The following ECM2 variants were observed in gnomAD, a reference collection of about 807,000 sequenced individuals.
ECM2 encodes extracellular matrix protein 2.
A neutral mutation model predicts 67.5 loss-of-function variants in ECM2; 57 were observed. That is an observed-to-expected ratio of 0.84 (90% CI 0.68 to 1.05). The LOEUF (loss-of-function observed/expected upper bound fraction) is 1.05, where lower values mean the gene tolerates loss of function less well. Among genes scored for constraint, ECM2 ranks in the 50% least tolerant of loss-of-function variants. The probability of loss-of-function intolerance (pLI) is 0.00; values close to 1 mark genes in which losing one functional copy is unlikely to be tolerated. For synonymous variants in ECM2, 258 were observed against 294.5 expected (o/e 0.88, Z 1.27); for missense variants, 741 against 822.8 (o/e 0.90, Z 1.22).
At chr9:92,500,533 A>C (rs912614926) in intron 9 of ECM2, among the ~76,000 whole-genome samples, 194 bp downstream of exon 9, 1 of 152,240 alleles carries the variant, frequency 6.6e-6, no homozygotes, top group Non-Finnish European at 1.5e-5. Flanking sequence ...AAGTAGGAAA[A>C]GCTTATAATG....
At chr9:92,542,921 TCTTTTACATGTGGATATCCAGTTTTC>T in the ECM2 span, among the ~76,000 whole-genome samples, 1 of 152,230 alleles carries the variant, frequency 6.6e-6, no homozygotes, top group East Asian at 1.9e-4. Context: ...CTAACTTCAT[TCTTTTACATGTGGATATCCAGTTTTC>T]TCAGCACCAT....
At chr9:92,504,069 G>A (rs1004590032) in intron 7 of ECM2, among the ~76,000 whole-genome samples, 1 of 152,218 alleles carries the variant, frequency 6.6e-6, no homozygotes, top group African/African-American at 2.4e-5. Flanking sequence ...CAGTGGGGCA[G>A]ATTGCTCTTT....
At chr9:92,520,888 C>T (rs577002229) in intron 2 of ECM2, among the ~76,000 whole-genome samples, 2 of 152,192 alleles carry the variant, frequency 1.3e-5, no homozygotes, top group Non-Finnish European at 2.9e-5. Context: ...ATTCCATTTA[C>T]ATGAAATTTC....
chr9:92,520,153 G>T (rs1280921402), intron 2 of ECM2, among the ~76,000 whole-genome samples: 1 of 151,210 alleles, frequency 6.6e-6, no homozygotes, highest in Admixed American at 6.6e-5. Context: ...GTGTGGTGGT[G>T]CATTCTTGTA....
rs750191164 is a variant in ECM2 at position 92,517,677 on chromosome 9, A to C, written c.481+10T>G. 15 of 1,613,958 alleles carry C rather than the reference A, an allele frequency of 9.3e-6. No individual in the cohort carries two copies. The highest frequency in any genetic ancestry group is 1.3e-5 in the Non-Finnish European group (15 of 1,179,978). ...ACACACTGATATTTTGCTTAGCTAA[A>C]TCTCTGTACCAGTAGCGGAGCAGAC... On this transcript the variant is annotated intron_variant, in intron 3 of 9. Coordinates refer to ENST00000344604, the MANE Select transcript of ECM2 (RefSeq NM_001393.4).
chr9:92,517,660 A>G, intron 3 of ECM2, 27 bp downstream of exon 3: 2 of 1,613,494 alleles, frequency 1.2e-6, no homozygotes, highest in Non-Finnish European at 1.7e-6. Context: ...TCACACACTG[A>G]TATTTTGCTT....
chr9:92,529,534 T>C (rs1848620393), intron 1 of ECM2, among the ~76,000 whole-genome samples: 1 of 152,120 alleles, frequency 6.6e-6, no homozygotes, highest in South Asian at 2.1e-4. Context: ...TATTCATAAT[T>C]GCCAAAACTT....
In ECM2 at chr9:92,514,688, T is replaced by C. The variant is rs771907543; in HGVS notation, c.997A>G (p.Met333Val). The C allele has an allele frequency of 6.2e-7, 1 of 1,611,524 alleles. No homozygotes were observed. Among genetic ancestry groups the C allele is most frequent in the Non-Finnish European group, 8.5e-7 (1 of 1,178,240 alleles). ...SYRTISCINAMLTQIPPLTAP... is the reference protein window; with the variant it reads ...SYRTISCINAVLTQIPPLTAP... ...GTCAGCGGTGGTATCTGGGTAAGCA[T>C]GGCGTTGATGCAGCTGATGGTCCTG... The change falls in exon 4 of 10, where the codon ATG becomes GTG. Residue 333 changes from methionine to valine, a missense_variant. Met to Val is a conservative substitution (Grantham distance 21). Coordinates refer to ENST00000344604, the MANE Select transcript of ECM2 (RefSeq NM_001393.4).
At position 92,502,672 on chromosome 9, in the gene ECM2, CTA is replaced by C; in HGVS notation, c.1465-22_1465-21del. ...TAATTCCTATAATTAAGAGAGAAGACTATTATTTTTCTTTTGTGTTAGTTGAT... is the reference window on the plus strand; with the variant it reads ...TAATTCCTATAATTAAGAGAGAAGACTTATTTTTCTTTTGTGTTAGTTGAT... On this transcript the variant is annotated intron_variant, in intron 7 of 9. Transcript: ENST00000344604. The C allele has an allele frequency of 6.6e-7, 1 of 1,519,254 alleles. No homozygotes were observed. Among genetic ancestry groups the C allele is most frequent in the Non-Finnish European group, 9.0e-7 (1 of 1,115,334 alleles). The allele number at this position is 1,519,254 out of a possible 1,614,324, so 94.1% of individuals were successfully genotyped here.
In ECM2 at chr9:92,500,859, CG is replaced by C. The variant is rs776211051; in HGVS notation, c.1798del (p.Arg600ValfsTer11). On this transcript the variant is annotated frameshift_variant, in exon 9 of 10. Coordinates refer to ENST00000344604, the MANE Select transcript of ECM2 (RefSeq NM_001393.4). LOFTEE classifies it high-confidence loss of function. ...ATGATATGCCCCATAGAAGGAGACA[CG>C]GTCCATGCCATCATCAGCAAGTTTG... ...FNKLADDGMD[R>X]VSFYGAYHSL... The C allele has an allele frequency of 3.7e-6, 6 of 1,614,010 alleles. No homozygotes were observed. The highest frequency in any genetic ancestry group is 4.2e-6 in the Non-Finnish European group (5 of 1,180,030).
chr9:92,530,687 G>A (rs778392244), intron 1 of ECM2, among the ~76,000 whole-genome samples: 41 of 152,126 alleles, frequency 2.7e-4, no homozygotes, highest in African/African-American at 9.2e-4. Flanking sequence ...TAATATTAAT[G>A]TAGTTGCATT....
At chr9:92,544,337 G>A in the ECM2 span, among the ~76,000 whole-genome samples, 1 of 152,182 alleles carries the variant, frequency 6.6e-6, no homozygotes, top group Non-Finnish European at 1.5e-5. Flanking sequence ...TTAGCCGGGT[G>A]TGCTGGCACA....
downstream of ECM2, chr9:92,493,799 A>C (rs1846236883): frequency 4.4e-6 from 1 of 228,982 alleles, no homozygotes; most frequent in South Asian, 1.4e-4. Context: ...AAATAAGTAC[A>C]ACTTCCACTT....
intron 3 of ECM2, among the ~76,000 whole-genome samples, chr9:92,516,288 C>T (rs1045263596): frequency 6.6e-6 from 1 of 152,152 alleles, no homozygotes; most frequent in Non-Finnish European, 1.5e-5. Flanking sequence ...TGGTCTCGAA[C>T]ACCTGACCTT....
upstream of ECM2, chr9:92,538,938 AT>A (rs1849251895): frequency 6.6e-6 from 1 of 152,150 alleles, no homozygotes; most frequent in Non-Finnish European, 1.5e-5. Context: ...GTACCAATAA[AT>A]TGGGGTTTTT....
upstream of ECM2, among the ~76,000 whole-genome samples, chr9:92,538,290 A>AT (rs1371939598): frequency 3.9e-5 from 6 of 152,240 alleles, no homozygotes; most frequent in African/African-American, 1.4e-4. Flanking sequence ...TATACCAGGA[A>AT]TAAAGAGATT....
chr9:92,552,844 G>A, the ECM2 span, among the ~76,000 whole-genome samples: 3 of 152,020 alleles, frequency 2.0e-5, no homozygotes, highest in African/African-American at 7.2e-5. Context: ...TCTTTAATTA[G>A]GTCCCAGCTA....
chr9:92,515,757 G>C (rs1332386870), intron 3 of ECM2, among the ~76,000 whole-genome samples: 1 of 152,152 alleles, frequency 6.6e-6, no homozygotes, highest in Non-Finnish European at 1.5e-5. Context: ...CTGAAATTCA[G>C]AATTATAGAG....
chr9:92,551,942 T>A, the ECM2 span, among the ~76,000 whole-genome samples: 6 of 79,520 alleles, frequency 7.5e-5, no homozygotes, highest in African/African-American at 4.7e-4. Flanking sequence ...TATATATATA[T>A]ATATATATAT....
Sources: allele counts gnomAD v4.1 joint callset (sites outside exome capture counted in the v4.1 genomes callset), GRCh38; gene constraint gnomAD v4.1.1; transcripts MANE v1.5; gene names NCBI Gene and HGNC (gene_info 2026-07-23, HGNC 2026-07-21).